The following DIS3L2 variants were observed in gnomAD, a reference collection of about 807,000 sequenced individuals.
DIS3L2 encodes DIS3 like 3'-5' exoribonuclease 2.
A neutral mutation model predicts 97.5 loss-of-function variants in DIS3L2; 34 were observed. The observed-to-expected ratio is 0.35, with a 90% confidence interval of 0.27 to 0.46. DIS3L2 has a LOEUF of 0.46. DIS3L2 is among the 20% of genes least tolerant of loss of function. The pLI, the probability that DIS3L2 is intolerant of heterozygous loss-of-function variation, is 1.00. For missense variants in DIS3L2, 1,038 were observed against 1,146.0 expected, an observed-to-expected ratio of 0.91 and a Z score of 1.36; for synonymous variants, 435 against 445.2, an observed-to-expected ratio of 0.98 and a Z score of 0.29.
At chr2:232,043,451 G>C (rs1004088767) in intron 5 of DIS3L2, among the ~76,000 whole-genome samples, 1 of 152,208 alleles carries the variant, frequency 6.6e-6, no homozygotes, top group African/African-American at 2.4e-5. Context: ...CTGGTAAACT[G>C]TGCTAATGAC....
At chr2:232,230,121 T>C (rs1692750328) in intron 10 of DIS3L2, among the ~76,000 whole-genome samples, 1 of 152,198 alleles carries the variant, frequency 6.6e-6, no homozygotes, top group Non-Finnish European at 1.5e-5. Context: ...TGTGTAAGAT[T>C]ACATAACGAA....
chr2:232,235,086 GGAGTGTTTGTACTCATCTAA>G (rs1213712683), intron 10 of DIS3L2, among the ~76,000 whole-genome samples: 5 of 152,228 alleles, frequency 3.3e-5, no homozygotes, highest in Non-Finnish European at 7.3e-5. Context: ...TTCATTCAAA[GGAGTGTTTGTACTCATCTAA>G]GTTTGTGGAC....
At chr2:232,117,349 G>A (rs1273996213) in intron 6 of DIS3L2, among the ~76,000 whole-genome samples, 2 of 152,122 alleles carry the variant, frequency 1.3e-5, no homozygotes, top group Non-Finnish European at 1.5e-5. Context: ...TTCCTTATTT[G>A]TATGAAACCT....
At chr2:232,008,570 A>G (rs1326216985) in intron 1 of DIS3L2, among the ~76,000 whole-genome samples, 4 of 152,194 alleles carry the variant, frequency 2.6e-5, no homozygotes, top group African/African-American at 9.7e-5. Context: ...GAGAAATTTT[A>G]TTATTCACCC....
intron 1 of DIS3L2, among the ~76,000 whole-genome samples, 157 bp downstream of exon 1, chr2:231,961,922 C>G (rs1039113358): frequency 1.3e-5 from 2 of 152,242 alleles, no homozygotes; most frequent in African/African-American, 4.8e-5. Flanking sequence ...GCGTTGCTCC[C>G]CGGCCCACGC....
intron 1 of DIS3L2, among the ~76,000 whole-genome samples, chr2:231,975,668 G>T (rs1693063440): frequency 7.4e-6 from 1 of 134,356 alleles, no homozygotes; most frequent in African/African-American, 2.9e-5. Context: ...TTGCGCCACT[G>T]CACTGCAGCC....
chr2:232,105,071 G>A lies in DIS3L2; in HGVS notation c.601+17350G>A, dbSNP rs114950883. Among the ~76,000 whole-genome samples, 477 of 152,194 alleles carry A rather than the reference G, an allele frequency of 3.1e-3. 3 individuals carry two copies. Among genetic ancestry groups the A allele is most frequent in the Non-Finnish European group, 4.7e-3 (319 of 68,016 alleles). ...GAGATCAAGTGGTCCGCCTGCCCTG[G>A]CCCCCCAAAGTGCTGGGATTACAGA... On this transcript the variant is annotated intron_variant, in intron 6 of 20. Coordinates refer to ENST00000325385, the MANE Select transcript of DIS3L2 (RefSeq NM_152383.5).
chr2:232,238,853 C>G lies in DIS3L2; in HGVS notation c.1317+208C>G, dbSNP rs559970967. Among the ~76,000 whole-genome samples the G allele has an allele frequency of 1.1e-4, 16 of 152,280 alleles. No homozygotes were observed. The South Asian group carries it at 1.5e-3, about 14-fold the overall frequency. Reference sequence around the variant, plus strand: ...TTCAGAAAGAAAGGAGGCAAAATACCTGCTTTCAAACGATTGTTCTAAAGC... The same window carrying G: ...TTCAGAAAGAAAGGAGGCAAAATACGTGCTTTCAAACGATTGTTCTAAAGC... On this transcript the variant is annotated intron_variant, in intron 11 of 20. Coordinates refer to ENST00000325385, the MANE Select transcript of DIS3L2 (RefSeq NM_152383.5).
At chr2:232,015,326 T>G (rs1694322398) in intron 2 of DIS3L2, among the ~76,000 whole-genome samples, 188 bp from the exon 3 acceptor site, 1 of 152,252 alleles carries the variant, frequency 6.6e-6, no homozygotes, top group African/African-American at 2.4e-5. Context: ...TCAAGTCTCA[T>G]CTGTGTATAT....
At chr2:232,282,433 A>G (rs1037075144) in intron 13 of DIS3L2, among the ~76,000 whole-genome samples, 5 of 152,150 alleles carry the variant, frequency 3.3e-5, no homozygotes, top group Admixed American at 6.5e-5. Flanking sequence ...CCCATTTTCA[A>G]TGGGCCTTGG....
intron 9 of DIS3L2, among the ~76,000 whole-genome samples, chr2:232,176,298 T>C (rs759024679): frequency 9.2e-5 from 14 of 152,242 alleles, no homozygotes; most frequent in Non-Finnish European, 1.8e-4. Flanking sequence ...TTGTTAGTAA[T>C]ATTTGCTCTT....
At chr2:232,201,949 G>A (rs1304514517) in intron 9 of DIS3L2, among the ~76,000 whole-genome samples, 1 of 152,176 alleles carries the variant, frequency 6.6e-6, no homozygotes, top group Non-Finnish European at 1.5e-5. Context: ...TTTCCTGAAA[G>A]TTTAACATTC....
At chr2:232,328,276 C>T (rs1370387565) in intron 14 of DIS3L2, among the ~76,000 whole-genome samples, 2 of 152,224 alleles carry the variant, frequency 1.3e-5, no homozygotes, top group African/African-American at 4.8e-5. Context: ...CCAAAAAAGT[C>T]CCCACTAGTC....
At chr2:232,009,720 C>G (rs1026715937) in intron 1 of DIS3L2, among the ~76,000 whole-genome samples, 2 of 152,102 alleles carry the variant, frequency 1.3e-5, no homozygotes, top group African/African-American at 4.8e-5. Context: ...CATTTCTTTC[C>G]TTCATGTTTG....
chr2:232,106,057 C>T (rs1427554323), intron 6 of DIS3L2, among the ~76,000 whole-genome samples: 3 of 152,146 alleles, frequency 2.0e-5, no homozygotes, highest in Non-Finnish European at 4.4e-5. Context: ...TTTCCATGCT[C>T]TCTAGATTCT....
At chr2:232,167,785 C>T (rs778322547) in intron 9 of DIS3L2, among the ~76,000 whole-genome samples, 1 of 152,198 alleles carries the variant, frequency 6.6e-6, no homozygotes, top group South Asian at 2.1e-4. Flanking sequence ...CACATTGGCT[C>T]ACACCTGTAA....
At chr2:232,019,532 A>G (rs1041881191) in intron 3 of DIS3L2, among the ~76,000 whole-genome samples, 2 of 150,598 alleles carry the variant, frequency 1.3e-5, no homozygotes, top group Non-Finnish European at 3.0e-5. Context: ...AGCCTGGGCA[A>G]CAGAGTGAGA....
At chr2:232,074,064 T>G (rs1201429600) in intron 5 of DIS3L2, among the ~76,000 whole-genome samples, 4 of 152,240 alleles carry the variant, frequency 2.6e-5, no homozygotes, top group Non-Finnish European at 5.9e-5. Flanking sequence ...AGCAGTTAAC[T>G]TTATGGTTAT....
intron 13 of DIS3L2, among the ~76,000 whole-genome samples, chr2:232,266,465 G>A (rs1425405617): frequency 6.6e-6 from 1 of 152,160 alleles, no homozygotes; most frequent in African/African-American, 2.4e-5. Flanking sequence ...ACCCTCCGAA[G>A]TCCTAATTAG....
Sources: allele counts gnomAD v4.1 joint callset (sites outside exome capture counted in the v4.1 genomes callset), GRCh38; gene constraint gnomAD v4.1.1; transcripts MANE v1.5; gene names NCBI Gene and HGNC (gene_info 2026-07-23, HGNC 2026-07-21).